The following ETFRF1 variants were observed in gnomAD, a reference collection of about 807,000 sequenced individuals.
The protein encoded by ETFRF1 is LYR motif containing 5.
In ETFRF1, 12 loss-of-function variants were observed where a neutral mutation model predicts 9.0. The ratio of observed to expected loss-of-function variants is 1.34; its 90% CI spans 0.86 to 2.16. The LOEUF is 2.16. ETFRF1 is among the 30% of genes most tolerant of loss of function. ETFRF1 has a pLI of 0.00. For synonymous variants in ETFRF1, 34 were observed against 33.2 expected (o/e 1.02, Z -0.08); for missense variants, 98 against 101.8 (o/e 0.96, Z 0.16).
chr12:25,199,139 T>C (rs1951053851), intron 1 of ETFRF1, among the ~76,000 whole-genome samples: 1 of 151,556 alleles, frequency 6.6e-6, no homozygotes, highest in Admixed American at 6.6e-5. Flanking sequence ...TTCATATATA[T>C]ACACATCTAT....
In ETFRF1 at chr12:25,204,442, A is replaced by C; in HGVS notation, c.*130A>C. 1.6e-6 allele frequency: 1 copy of C among 644,612 alleles called. No homozygotes were observed. The highest frequency in any genetic ancestry group is 3.1e-5 in the East Asian group (1 of 31,868). 39.9% of individuals were successfully genotyped at this position (644,612 alleles called of 1,614,324 possible). A position where few individuals can be genotyped will look rare whatever the true frequency, so the allele number is the denominator to read the frequency against. ...ATCCCTGAGCTGCCCTACTGAACTAAATAGGTTTCAACTTCTGTTCATACG... is the reference window on the plus strand; with the variant it reads ...ATCCCTGAGCTGCCCTACTGAACTACATAGGTTTCAACTTCTGTTCATACG... On this transcript the variant is annotated 3_prime_UTR_variant, in exon 3 of 3. Transcript: ENST00000381356.
chr12:25,203,620 G>A (rs1005116170), intron 1 of ETFRF1: 1 of 205,970 alleles, frequency 4.9e-6, no homozygotes. Flanking sequence ...TTCCACTGTG[G>A]CATAAAAGGA....
chr12:25,203,894 T>A (rs889702519), intron 1 of ETFRF1, 26 bp from the exon 2 acceptor site: 3 of 1,317,222 alleles, frequency 2.3e-6, no homozygotes, highest in Admixed American at 3.4e-5. Context: ...ATGCAGCTAA[T>A]TGCAAAAAAA....
At chr12:25,203,403 C>T (rs530915798) in intron 1 of ETFRF1, among the ~76,000 whole-genome samples, 23 of 152,202 alleles carry the variant, frequency 1.5e-4, no homozygotes, top group Non-Finnish European at 3.1e-4. Context: ...TTAACTCACC[C>T]AGTTTCTGCT....
chr12:25,204,498 T>C lies in ETFRF1; in HGVS notation c.*186T>C. 2.3e-6 allele frequency: 1 copy of C among 439,106 alleles called. No individual in the cohort carries two copies. Among genetic ancestry groups the C allele is most frequent in the Non-Finnish European group, 3.9e-6 (1 of 254,632 alleles). The allele number at this position is 439,106 out of a possible 1,614,324, so 27.2% of individuals were successfully genotyped here. ...AGTATCAGCAACTTTATGCTCAATT[T>C]TGATACAAACATAGCAATTTAGCTA... is the stretch of plus-strand genomic sequence containing the variant. On this transcript the variant is annotated 3_prime_UTR_variant, in exon 3 of 3. Transcript: ENST00000381356.
Position 25,195,341 on chromosome 12 carries a change from C to G in ETFRF1, c.-38+4C>G. The G allele has an allele frequency of 1.7e-6, 1 of 597,168 alleles. No individual in the cohort carries two copies. 37.0% of individuals were successfully genotyped at this position (597,168 alleles called of 1,614,324 possible). A position where few individuals can be genotyped will look rare whatever the true frequency, so the allele number is the denominator to read the frequency against. On this transcript the variant is annotated splice_donor_region_variant and intron_variant, in intron 1 of 2. Coordinates refer to ENST00000381356, the MANE Select transcript of ETFRF1 (RefSeq NM_001001660.3). ...TGCGGCTCCGGCGTGCCGGAAAGTG[C>G]GTGAGTGCCGCCGCCGGGGAGTTTT...
At position 25,205,023 on chromosome 12, in the gene ETFRF1, G is replaced by A. The variant is rs1029948516; in HGVS notation, c.*711G>A. On this transcript the variant is annotated 3_prime_UTR_variant, in exon 3 of 3. Coordinates refer to ENST00000381356, the MANE Select transcript of ETFRF1 (RefSeq NM_001001660.3). Reference sequence around the variant, plus strand: ...ATAAATAATGTTATCCTATTTTTTTGTCATAAAGGCAGATTTGTTTTGCAT... The same window carrying A: ...ATAAATAATGTTATCCTATTTTTTTATCATAAAGGCAGATTTGTTTTGCAT... The A allele has an allele frequency of 4.8e-6, 1 of 209,196 alleles. No homozygotes were observed. The highest frequency in any genetic ancestry group is 9.7e-6 in the Non-Finnish European group (1 of 102,750). 13.0% of individuals were successfully genotyped at this position (209,196 alleles called of 1,614,324 possible).
In ETFRF1 at chr12:25,195,272, G is replaced by T. The variant is rs1397397715; in HGVS notation, c.-103G>T. On this transcript the variant is annotated 5_prime_UTR_variant, in exon 1 of 3. Transcript: ENST00000381356. The stretch of plus-strand genomic sequence containing the variant: ...TGCCCACCTCCCCCAACGCCACCCC[G>T]CTTCGCAGTAGACGGACAGAGGAGT... The T allele has an allele frequency of 1.5e-6, 1 of 652,116 alleles. No homozygotes were observed. Among genetic ancestry groups the T allele is most frequent in the South Asian group, 1.7e-5 (1 of 57,392 alleles). The allele number at this position is 652,116 out of a possible 1,614,324, so 40.4% of individuals were successfully genotyped here.
Position 25,203,328 on chromosome 12 carries a change from C to G in ETFRF1, c.-37-592C>G, listed in dbSNP as rs564266291. On this transcript the variant is annotated intron_variant, in intron 1 of 2. Coordinates refer to ENST00000381356, the MANE Select transcript of ETFRF1 (RefSeq NM_001001660.3). ...TTTGCCTGTTCCTCAGGGACACCCT[C>G]TTACAGGTTGTTCATTTGGCCTCTT... is the stretch of plus-strand genomic sequence containing the variant. Among the ~76,000 whole-genome samples, 9 of 152,332 alleles carry G rather than the reference C, an allele frequency of 5.9e-5. No individual in the cohort carries two copies. In the South Asian group the frequency reaches 8.3e-4, roughly 14 times the overall value.
chr12:25,195,473 T>C (rs887751638), intron 1 of ETFRF1, 136 bp downstream of exon 1: 2 of 392,964 alleles, frequency 5.1e-6, no homozygotes, highest in Non-Finnish European at 9.5e-6. Context: ...ACGGTTTATT[T>C]CCTAGAGTGT....
At position 25,205,131 on chromosome 12, in the gene ETFRF1, C is replaced by A. The variant is rs1349439370; in HGVS notation, c.*819C>A. The A allele has an allele frequency of 4.6e-6, 1 of 217,008 alleles. No homozygotes were observed. Among genetic ancestry groups the A allele is most frequent in the African/African-American group, 2.2e-5 (1 of 44,448 alleles). 13.4% of individuals were successfully genotyped at this position (217,008 alleles called of 1,614,324 possible). A position where few individuals can be genotyped will look rare whatever the true frequency, so the allele number is the denominator to read the frequency against. The stretch of plus-strand genomic sequence containing the variant: ...CACCTTTTAGAAATAAAGGATACTT[C>A]TAACAAGCTGCATAAAAGATTCACT... On this transcript the variant is annotated 3_prime_UTR_variant, in exon 3 of 3. Transcript: ENST00000381356.
At chr12:25,199,292 C>CATA (rs1951055317) in intron 1 of ETFRF1, among the ~76,000 whole-genome samples, 1 of 147,990 alleles carries the variant, frequency 6.8e-6, no homozygotes, top group African/African-American at 2.5e-5. Flanking sequence ...CTATATACTA[C>CATA]GTAGTATGTA....
chr12:25,197,882 T>A (rs921636369), intron 1 of ETFRF1, among the ~76,000 whole-genome samples: 3 of 152,198 alleles, frequency 2.0e-5, no homozygotes, highest in African/African-American at 7.2e-5. Context: ...AATACCCTCA[T>A]CTAATTTTAC....
At chr12:25,196,861 G>A (rs1471897012) in intron 1 of ETFRF1, among the ~76,000 whole-genome samples, 1 of 152,164 alleles carries the variant, frequency 6.6e-6, no homozygotes, top group African/African-American at 2.4e-5. Context: ...ACTGCATAAA[G>A]ATAAACTGCA....
intron 1 of ETFRF1, among the ~76,000 whole-genome samples, chr12:25,199,615 T>TAC (rs769056865): frequency 1.1e-4 from 12 of 111,292 alleles, no homozygotes; most frequent in Admixed American, 3.4e-4. Context: ...CATATATGTA[T>TAC]ACATACACAC....
chr12:25,200,162 A>G (rs891603019), intron 1 of ETFRF1, among the ~76,000 whole-genome samples: 5 of 152,166 alleles, frequency 3.3e-5, no homozygotes, highest in Non-Finnish European at 1.5e-5. Context: ...ATGAGTTGAG[A>G]TCAGGCCATT....
At position 25,204,410 on chromosome 12, in the gene ETFRF1, G is replaced by A. The variant is rs1951108909; in HGVS notation, c.*98G>A. 2.9e-6 allele frequency: 3 copies of A among 1,032,096 alleles called. No homozygotes were observed. Among genetic ancestry groups the A allele is most frequent in the Admixed American group, 3.4e-5 (1 of 29,736 alleles). 63.9% of individuals were successfully genotyped at this position (1,032,096 alleles called of 1,614,324 possible). On this transcript the variant is annotated 3_prime_UTR_variant, in exon 3 of 3. Transcript: ENST00000381356. ...TAAAATGGGAAGATATACATGTTGT[G>A]TAAAAAATCCCTGAGCTGCCCTACT...
At chr12:25,201,543 T>C (rs371461246) in intron 1 of ETFRF1, among the ~76,000 whole-genome samples, 2 of 152,150 alleles carry the variant, frequency 1.3e-5, no homozygotes, top group South Asian at 4.1e-4. Context: ...ACATGGGGGC[T>C]TCTAAGACTT....
chr12:25,205,065 T>G lies in ETFRF1; in HGVS notation c.*753T>G, dbSNP rs1951119820. On this transcript the variant is annotated 3_prime_UTR_variant, in exon 3 of 3. Transcript: ENST00000381356. The stretch of plus-strand genomic sequence containing the variant: ...GTTTTGCATCTACTTCTAAATATGG[T>G]TTTAAGTTTAAGCAAACACGCCTTT... 4.7e-6 allele frequency: 1 copy of G among 213,318 alleles called. No individual in the cohort carries two copies. The highest frequency in any genetic ancestry group is 2.3e-5 in the African/African-American group (1 of 44,192). 13.2% of individuals were successfully genotyped at this position (213,318 alleles called of 1,614,324 possible). A position where few individuals can be genotyped will look rare whatever the true frequency, so the allele number is the denominator to read the frequency against.
Sources: gnomAD v4.1 joint callset for allele counts (sites outside exome capture counted in the v4.1 genomes callset) on GRCh38, gnomAD v4.1.1 for gene constraint, MANE v1.5 for transcripts, NCBI Gene and HGNC (gene_info 2026-07-23, HGNC 2026-07-21) for gene names.